The following KCNIP1 variants were observed in gnomAD, a reference collection of about 807,000 sequenced individuals.
KCNIP1 encodes the protein potassium voltage-gated channel interacting protein 1.
A neutral mutation model predicts 33.0 loss-of-function variants in KCNIP1; 18 were observed. The ratio of observed to expected loss-of-function variants is 0.55; its 90% CI spans 0.38 to 0.81. The LOEUF (loss-of-function observed/expected upper bound fraction) is 0.81, where lower values mean the gene tolerates loss of function less well. Ranked by LOEUF, KCNIP1 falls within the 30% of genes least tolerant of loss-of-function variation. The probability of loss-of-function intolerance (pLI) is 0.00; values close to 1 mark genes in which losing one functional copy is unlikely to be tolerated. For synonymous variants in KCNIP1, 93 were observed against 98.3 expected (o/e 0.95, Z 0.32); for missense variants, 238 against 271.6 (o/e 0.88, Z 0.87).
chr5:170,415,969 G>C (rs1270079971), intron 1 of KCNIP1, among the ~76,000 whole-genome samples: 2 of 152,146 alleles, frequency 1.3e-5, no homozygotes, highest in Non-Finnish European at 2.9e-5. Flanking sequence ...CTTGTGGAAG[G>C]CTGCTGGGGA....
intron 1 of KCNIP1, among the ~76,000 whole-genome samples, chr5:170,573,280 C>T (rs58784691): frequency 0.072 from 10,886 of 152,232 alleles, 574 homozygotes; most frequent in African/African-American, 0.14. Flanking sequence ...AGGTGATGCT[C>T]TGGCGGTCTG....
intron 1 of KCNIP1, among the ~76,000 whole-genome samples, chr5:170,687,690 C>A (rs184588085): frequency 1.3e-5 from 2 of 152,218 alleles, no homozygotes; most frequent in Non-Finnish European, 2.9e-5. Context: ...CTCTACGATG[C>A]ACCAGCCCTT....
At chr5:170,517,210 ATAG>A (rs1755157140) in intron 1 of KCNIP1, among the ~76,000 whole-genome samples, 2 of 152,156 alleles carry the variant, frequency 1.3e-5, no homozygotes, top group African/African-American at 4.8e-5. Flanking sequence ...ATATTTTCAC[ATAG>A]TGGTAGGACA....
intron 1 of KCNIP1, among the ~76,000 whole-genome samples, chr5:170,592,365 C>T (rs1034174089): frequency 3.9e-4 from 55 of 139,350 alleles, no homozygotes; most frequent in African/African-American, 1.6e-3. Flanking sequence ...TTAGTATGTT[C>T]GTGTTACAGT....
intron 1 of KCNIP1, among the ~76,000 whole-genome samples, chr5:170,355,158 C>T (rs1030688149): frequency 6.6e-6 from 1 of 152,158 alleles, no homozygotes; most frequent in Non-Finnish European, 1.5e-5. Context: ...TGTTATTTCC[C>T]TACCATCCTT....
intron 1 of KCNIP1, among the ~76,000 whole-genome samples, chr5:170,466,357 C>T (rs1756608769): frequency 1.3e-5 from 2 of 152,030 alleles, no homozygotes; most frequent in African/African-American, 4.8e-5. Context: ...AATGTGGATA[C>T]GTAGGTTTGG....
At chr5:170,564,358 G>C (rs929362421) in intron 1 of KCNIP1, among the ~76,000 whole-genome samples, 1 of 152,058 alleles carries the variant, frequency 6.6e-6, no homozygotes, top group African/African-American at 2.4e-5. Flanking sequence ...ATCCTGGAAG[G>C]CAAACTGACT....
intron 1 of KCNIP1, among the ~76,000 whole-genome samples, chr5:170,658,894 T>G (rs1398703505): frequency 1.3e-5 from 2 of 152,158 alleles, no homozygotes; most frequent in East Asian, 3.8e-4. Flanking sequence ...AGGTTCCTGT[T>G]GGGGGTTTGG....
intron 1 of KCNIP1, among the ~76,000 whole-genome samples, chr5:170,358,757 G>A (rs1266393656): frequency 2.0e-5 from 3 of 152,160 alleles, no homozygotes; most frequent in Admixed American, 6.5e-5. Flanking sequence ...GATCCTGGAG[G>A]TAGGGATTGC....
At chr5:170,379,951 CAAA>C (rs113260730) in intron 1 of KCNIP1, among the ~76,000 whole-genome samples, 2 of 103,438 alleles carry the variant, frequency 1.9e-5, no homozygotes, top group Non-Finnish European at 2.1e-5. Context: ...GATCCCATTT[CAAA>C]AAAAAAAAAA....
At chr5:170,627,865 C>A (rs1759893901) in intron 1 of KCNIP1, among the ~76,000 whole-genome samples, 2 of 152,178 alleles carry the variant, frequency 1.3e-5, no homozygotes, top group South Asian at 4.1e-4. Flanking sequence ...CCCCTTGATC[C>A]CAAAGCTCCA....
intron 5 of KCNIP1, among the ~76,000 whole-genome samples, chr5:170,723,919 C>G (rs1763920335): frequency 6.6e-6 from 1 of 152,140 alleles, no homozygotes; most frequent in African/African-American, 2.4e-5. Flanking sequence ...GTTTCAAAAA[C>G]AGAAAGGCTT....
At chr5:170,388,012 T>A (rs746991745) in intron 1 of KCNIP1, among the ~76,000 whole-genome samples, 11 of 148,198 alleles carry the variant, frequency 7.4e-5, no homozygotes, top group Non-Finnish European at 1.5e-4. Context: ...CCTTCCTGGC[T>A]AATCAGCCCC....
chr5:170,671,962 T>A (rs1381844648), intron 1 of KCNIP1, among the ~76,000 whole-genome samples: 1 of 152,066 alleles, frequency 6.6e-6, no homozygotes, highest in African/African-American at 2.4e-5. Flanking sequence ...GTGTGTCGAG[T>A]GCTACAATAG....
intron 1 of KCNIP1, among the ~76,000 whole-genome samples, chr5:170,506,417 AGTT>A (rs1046252071): frequency 6.6e-6 from 1 of 152,184 alleles, no homozygotes; most frequent in African/African-American, 2.4e-5. Context: ...ACCCAGAGGA[AGTT>A]GTTGTAAGGA....
chr5:170,652,085 G>A (rs1761064988), intron 1 of KCNIP1, among the ~76,000 whole-genome samples: 1 of 152,198 alleles, frequency 6.6e-6, no homozygotes, highest in African/African-American at 2.4e-5. Flanking sequence ...TGGCTGTGGG[G>A]GAGGGGGAGA....
At chr5:170,426,344 A>G (rs1755615404) in intron 1 of KCNIP1, among the ~76,000 whole-genome samples, 1 of 152,072 alleles carries the variant, frequency 6.6e-6, no homozygotes, top group African/African-American at 2.4e-5. Flanking sequence ...GTTCCAGACA[A>G]ACCCTGTTAA....
chr5:170,618,568 A>AGGGG (rs1759488672), intron 1 of KCNIP1, among the ~76,000 whole-genome samples: 1 of 100,316 alleles, frequency 1.0e-5, no homozygotes, highest in Non-Finnish European at 2.0e-5. Flanking sequence ...GGAGGGAGGG[A>AGGGG]GGGAGCTAAC....
In KCNIP1 at chr5:170,478,474, C is replaced by T. The variant is rs749929480; in HGVS notation, c.88+124510C>T. 1.1e-3 allele frequency among the ~76,000 whole-genome samples: 129 copies of T among 120,474 alleles called. 1 individual carries two copies. Among genetic ancestry groups the T allele is most frequent in the Non-Finnish European group, 9.5e-4 (52 of 54,506 alleles). 79.0% of individuals were successfully genotyped at this position (120,474 alleles called of 152,430 possible). ...CAGTCCTGATGGAGTGTAGATCCCT[C>T]GGGCTGCCATCCTCACAAAGGTGTG... On this transcript the variant is annotated intron_variant, in intron 1 of 7. Coordinates refer to the KCNIP1 transcript ENST00000377360.
Sources: gnomAD v4.1 joint callset for allele counts (sites outside exome capture counted in the v4.1 genomes callset) on GRCh38, gnomAD v4.1.1 for gene constraint, MANE v1.5 for transcripts, NCBI Gene and HGNC (gene_info 2026-07-23, HGNC 2026-07-21) for gene names.